The following EYS variants were observed in gnomAD, a reference collection of about 807,000 sequenced individuals.
EYS encodes the protein EGF-like photoreceptor maintenance factor.
EYS carries 250 observed loss-of-function variants against 282.1 expected under a neutral mutation model. The ratio of observed to expected loss-of-function variants is 0.89; its 90% CI spans 0.80 to 0.98. EYS has a LOEUF of 0.98. EYS is among the 50% of genes least tolerant of loss of function. The pLI is 0.00. For synonymous variants in EYS, 1,355 were observed against 1,282.9 expected (o/e 1.06, Z -1.20); for missense variants, 4,016 against 3,709.0 (o/e 1.08, Z -2.15).
At chr6:64,906,097 T>A (rs972759266) in intron 16 of EYS, among the ~76,000 whole-genome samples, 20 of 151,168 alleles carry the variant, frequency 1.3e-4, no homozygotes, top group East Asian at 9.7e-4. Context: ...TCAGATTTTT[T>A]AAAAAAATAT....
chr6:64,082,661 T>G lies in EYS; in HGVS notation c.6425-659A>C, dbSNP rs1772012492. ...TTCATTAATATTTAGTGCTTTTCAA[T>G]AATACTTAGTTATTTTATAAGTAGT... On this transcript the variant is annotated intron_variant, in intron 31 of 42. Coordinates refer to ENST00000503581, the MANE Select transcript of EYS (RefSeq NM_001142800.2). Among the ~76,000 whole-genome samples, 3 of 152,160 alleles carry G rather than the reference T, an allele frequency of 2.0e-5. No homozygotes were observed. In the South Asian group the frequency reaches 6.2e-4, roughly 31 times the overall value.
intron 1 of EYS, among the ~76,000 whole-genome samples, chr6:65,694,969 TA>T (rs1216575384): frequency 6.6e-6 from 1 of 151,958 alleles, no homozygotes; most frequent in Non-Finnish European, 1.5e-5. Flanking sequence ...GATAAAGTCA[TA>T]AAAATTTTCA....
chr6:64,730,205 T>C lies in EYS; in HGVS notation c.3443+83173A>G, dbSNP rs75381303. On this transcript the variant is annotated intron_variant, in intron 22 of 42. Transcript: ENST00000503581. Reference sequence around the variant, plus strand: ...CAAGGGAGGGACTTATTAACTGATTTCAAACAAAGCTTTGGCTCAGCTGAG... The same window carrying C: ...CAAGGGAGGGACTTATTAACTGATTCCAAACAAAGCTTTGGCTCAGCTGAG... Among the ~76,000 whole-genome samples, 554 of 152,326 alleles carry C rather than the reference T, an allele frequency of 3.6e-3. 6 individuals carry two copies. The highest frequency in any genetic ancestry group is 0.013 in the African/African-American group (520 of 41,576).
intron 35 of EYS, among the ~76,000 whole-genome samples, chr6:63,929,752 T>A (rs1408694047): frequency 6.6e-6 from 1 of 152,196 alleles, no homozygotes; most frequent in African/African-American, 2.4e-5. Flanking sequence ...ACTCATCCTT[T>A]TTCTACACTG....
At chr6:64,152,005 T>C (rs1380534277) in intron 31 of EYS, among the ~76,000 whole-genome samples, 2 of 152,180 alleles carry the variant, frequency 1.3e-5, no homozygotes, top group East Asian at 3.9e-4. Flanking sequence ...GCTGAATGAT[T>C]AACTCTCCTC....
At chr6:65,314,238 T>C (rs1330398181) in intron 11 of EYS, among the ~76,000 whole-genome samples, 6 of 150,870 alleles carry the variant, frequency 4.0e-5, no homozygotes, top group African/African-American at 9.8e-5. Flanking sequence ...AAACCCCCCC[T>C]CCACAATTGT....
intron 26 of EYS, among the ~76,000 whole-genome samples, chr6:64,481,274 G>GTGTATATATA (rs1461029125): frequency 5.0e-5 from 7 of 140,620 alleles, no homozygotes; most frequent in African/African-American, 1.6e-4. Flanking sequence ...GTGTGTGTGT[G>GTGTATATATA]TATATATATA....
At chr6:65,419,623 T>C (rs1767376057) in intron 5 of EYS, among the ~76,000 whole-genome samples, 1 of 151,948 alleles carries the variant, frequency 6.6e-6, no homozygotes, top group African/African-American at 2.4e-5. Flanking sequence ...TTTTAAAAAA[T>C]AAAGCAAGTA....
chr6:64,817,930 C>T (rs1175594964), intron 21 of EYS, among the ~76,000 whole-genome samples: 1 of 152,128 alleles, frequency 6.6e-6, no homozygotes, highest in African/African-American at 2.4e-5. Context: ...AGAGAACTTA[C>T]ATGAGTCCTT....
At chr6:64,904,200 T>C (rs559262498) in intron 16 of EYS, among the ~76,000 whole-genome samples, 56 of 152,288 alleles carry the variant, frequency 3.7e-4, no homozygotes, top group African/African-American at 1.3e-3. Flanking sequence ...GCCATACTTA[T>C]GGGGCTAGCA....
chr6:64,666,013 T>C (rs1235571975), intron 22 of EYS, among the ~76,000 whole-genome samples: 1 of 152,176 alleles, frequency 6.6e-6, no homozygotes, highest in African/African-American at 2.4e-5. Flanking sequence ...CTGCATGCTC[T>C]CACTTATAAG....
chr6:63,854,004 G>A (rs1415845715), intron 36 of EYS, among the ~76,000 whole-genome samples: 38 of 152,172 alleles, frequency 2.5e-4, no homozygotes, highest in Admixed American at 2.5e-3. Context: ...TACACTGTTG[G>A]TGGGAGTGTA....
At chr6:64,187,373 A>G (rs559507463) in intron 31 of EYS, among the ~76,000 whole-genome samples, 1 of 152,152 alleles carries the variant, frequency 6.6e-6, no homozygotes, top group Non-Finnish European at 1.5e-5. Flanking sequence ...TTCTTAAGTT[A>G]CTATGCCAAA....
chr6:65,536,090 T>C, intron 2 of EYS, among the ~76,000 whole-genome samples: 1 of 152,126 alleles, frequency 6.6e-6, no homozygotes, highest in Admixed American at 6.6e-5. Flanking sequence ...TAATTTGAGA[T>C]AGAATGATAC....
intron 31 of EYS, among the ~76,000 whole-genome samples, chr6:64,116,780 A>G (rs1210686704): frequency 1.3e-5 from 2 of 151,030 alleles, no homozygotes; most frequent in East Asian, 1.9e-4. Flanking sequence ...GTTTATACTT[A>G]TATCAGACAA....
intron 12 of EYS, among the ~76,000 whole-genome samples, chr6:65,169,677 G>A (rs915601686): frequency 6.6e-6 from 1 of 151,306 alleles, no homozygotes; most frequent in Admixed American, 6.6e-5. Flanking sequence ...TTTTTTGGGT[G>A]AGAGCAAGTC....
intron 32 of EYS, among the ~76,000 whole-genome samples, chr6:64,067,452 G>T (rs1771413126): frequency 6.6e-6 from 1 of 151,978 alleles, no homozygotes; most frequent in African/African-American, 2.4e-5. Flanking sequence ...AGTTTTACTT[G>T]ATTTTAATCT....
chr6:64,677,923 T>TA (rs369342291), intron 22 of EYS, among the ~76,000 whole-genome samples: 100 of 145,848 alleles, frequency 6.9e-4, no homozygotes, highest in Middle Eastern at 3.6e-3. Context: ...AATTTAAAAG[T>TA]AAAAAAAAAA....
At chr6:65,011,905 C>G (rs574025691) in intron 13 of EYS, among the ~76,000 whole-genome samples, 12 of 152,248 alleles carry the variant, frequency 7.9e-5, no homozygotes, top group African/African-American at 2.9e-4. Flanking sequence ...ATGGCAACCC[C>G]CTTTGGGTCG....
Sources: gnomAD v4.1 joint callset for allele counts (sites outside exome capture counted in the v4.1 genomes callset) on GRCh38, gnomAD v4.1.1 for gene constraint, MANE v1.5 for transcripts, NCBI Gene and HGNC (gene_info 2026-07-23, HGNC 2026-07-21) for gene names.